The following RPSA2 variants were observed in gnomAD, a reference collection of about 807,000 sequenced individuals.
RPSA2 encodes the protein ribosomal protein SA 2.
chr19:23,855,888 C>A, the RPSA2 span, among the ~76,000 whole-genome samples: 1 of 152,034 alleles, frequency 6.6e-6, no homozygotes, highest in African/African-American at 2.4e-5. Flanking sequence ...GCTCCGGAGG[C>A]AAAGACCGCA....
the RPSA2 span, among the ~76,000 whole-genome samples, chr19:23,867,605 T>C: frequency 7.0e-4 from 106 of 150,984 alleles, no homozygotes; most frequent in Non-Finnish European, 1.3e-3. Flanking sequence ...CAGAGGCGGG[T>C]GGATCATGAG....
At chr19:23,869,091 G>T in the RPSA2 span, among the ~76,000 whole-genome samples, 1 of 152,156 alleles carries the variant, frequency 6.6e-6, no homozygotes, top group African/African-American at 2.4e-5. Flanking sequence ...ATTGGGCATA[G>T]GTTCCCAATC....
chr19:23,811,477 C>T, the RPSA2 span, among the ~76,000 whole-genome samples: 148,884 of 152,202 alleles, frequency 0.98, 72,911 homozygotes, highest in Middle Eastern at 1. Context: ...GAATGACTGA[C>T]AAATTTTCTT....
chr19:23,776,279 G>A, the RPSA2 span, among the ~76,000 whole-genome samples: 127 of 152,212 alleles, frequency 8.3e-4, no homozygotes, highest in African/African-American at 3.0e-3. Context: ...GTGACATATC[G>A]CTGGACCAGA....
the RPSA2 span, among the ~76,000 whole-genome samples, chr19:23,795,330 T>G: frequency 6.6e-6 from 1 of 152,182 alleles, no homozygotes; most frequent in Non-Finnish European, 1.5e-5. Flanking sequence ...TCCATTTGTT[T>G]GTGCCATTTC....
the RPSA2 span, among the ~76,000 whole-genome samples, chr19:23,764,015 G>A: frequency 1.3e-5 from 2 of 152,134 alleles, no homozygotes; most frequent in African/African-American, 4.8e-5. Flanking sequence ...TTAATTGCAG[G>A]TTTATGATTG....
the RPSA2 span, among the ~76,000 whole-genome samples, chr19:23,813,730 C>CCTTTTTT: frequency 2.2e-5 from 3 of 136,790 alleles, no homozygotes; most frequent in Non-Finnish European, 4.6e-5. Flanking sequence ...ACACGGGTTT[C>CCTTTTTT]TTTTTTTTTT....
At chr19:23,800,749 G>A in the RPSA2 span, among the ~76,000 whole-genome samples, 1 of 152,074 alleles carries the variant, frequency 6.6e-6, no homozygotes, top group Non-Finnish European at 1.5e-5. Flanking sequence ...GAGTAGCTGG[G>A]ATTACAGGCA....
chr19:23,771,901 A>G, the RPSA2 span, among the ~76,000 whole-genome samples: 109 of 151,934 alleles, frequency 7.2e-4, no homozygotes, highest in Admixed American at 1.0e-3. Flanking sequence ...CTTTTCATTC[A>G]TCACCTAGGT....
At chr19:23,860,716 T>C in the RPSA2 span, among the ~76,000 whole-genome samples, 6 of 152,062 alleles carry the variant, frequency 3.9e-5, no homozygotes, top group Non-Finnish European at 7.4e-5. Context: ...ATAAGAAAAA[T>C]AACAATGAAA....
At chr19:23,797,875 C>A in the RPSA2 span, among the ~76,000 whole-genome samples, 1 of 152,158 alleles carries the variant, frequency 6.6e-6, no homozygotes, top group Admixed American at 6.5e-5. Flanking sequence ...TGTTTAGAGA[C>A]CTAGCTGTTG....
chr19:23,777,518 G>A, the RPSA2 span, among the ~76,000 whole-genome samples: 1 of 151,858 alleles, frequency 6.6e-6, no homozygotes, highest in East Asian at 2.0e-4. Flanking sequence ...TATGAGTATT[G>A]TGACAAATCT....
chr19:23,857,876 G>C, the RPSA2 span, among the ~76,000 whole-genome samples: 1 of 151,880 alleles, frequency 6.6e-6, no homozygotes, highest in Non-Finnish European at 1.5e-5. Flanking sequence ...TTTAAAAGTG[G>C]AATAAACCTT....
At chr19:23,822,122 C>T in the RPSA2 span, among the ~76,000 whole-genome samples, 1 of 152,310 alleles carries the variant, frequency 6.6e-6, no homozygotes, top group South Asian at 2.1e-4. Flanking sequence ...TCTCATAAAA[C>T]TGGCTAGGGC....
chr19:23,850,483 A>G, the RPSA2 span, among the ~76,000 whole-genome samples: 1 of 146,892 alleles, frequency 6.8e-6, no homozygotes, highest in Non-Finnish European at 1.5e-5. Context: ...ACCCATTTTG[A>G]TTTGTGTGCC....
chr19:23,762,107 G>A, the RPSA2 span, among the ~76,000 whole-genome samples: 7 of 150,584 alleles, frequency 4.6e-5, no homozygotes, highest in East Asian at 2.1e-4. Context: ...TAGTAGAGAC[G>A]GGGTTTCACC....
chr19:23,759,196 T>A, the RPSA2 span, among the ~76,000 whole-genome samples: 24 of 152,002 alleles, frequency 1.6e-4, no homozygotes, highest in African/African-American at 5.3e-4. Context: ...AAAATAAAAA[T>A]ATATATAATA....
the RPSA2 span, among the ~76,000 whole-genome samples, chr19:23,768,776 CAG>C: frequency 6.7e-6 from 1 of 149,238 alleles, no homozygotes; most frequent in East Asian, 2.1e-4. Context: ...TTAGTAGAGA[CAG>C]GGTTTCACCA....
At chr19:23,804,586 C>T in the RPSA2 span, among the ~76,000 whole-genome samples, 144 of 151,884 alleles carry the variant, frequency 9.5e-4, no homozygotes, top group Non-Finnish European at 1.3e-3. Flanking sequence ...TGAGCCACCG[C>T]GTCCGGCCTG....
Sources: gnomAD v4.1 joint callset for allele counts (sites outside exome capture counted in the v4.1 genomes callset) on GRCh38, gnomAD v4.1.1 for gene constraint, MANE v1.5 for transcripts, NCBI Gene and HGNC (gene_info 2026-07-23, HGNC 2026-07-21) for gene names.